Variants in UBE2QL1 observed in about 807,000 individuals in gnomAD.
UBE2QL1 encodes ubiquitin-conjugating enzyme E2Q-like protein 1.
UBE2QL1 carries 5 observed loss-of-function variants against 12.6 expected under a neutral mutation model. The observed-to-expected ratio is 0.40, with a 90% CI of 0.21 to 0.83. The LOEUF (loss-of-function observed/expected upper bound fraction) is 0.83. Among genes scored for constraint, UBE2QL1 ranks in the 40% least tolerant of loss-of-function variants. UBE2QL1 has a pLI of 0.37. For missense variants in UBE2QL1, 99 were observed against 222.6 expected, an observed-to-expected ratio of 0.44 and a Z score of 3.53; for synonymous variants, 96 against 94.5, an observed-to-expected ratio of 1.02 and a Z score of -0.10.
rs999526099 is a variant in UBE2QL1, at chr5:6,476,676, G to T, written c.355-14542G>T. ...CTCTGCGAATGCATGGCAGGTTTGG[G>T]GCAGTACCTTTTGGTTCCTTTCATT... On this transcript the variant is annotated intron_variant, in intron 1 of 1. Transcript: ENST00000399816. This position sits in a 1 kb window ranked among gnomAD's most constrained non-coding sequence, Gnocchi z 4.9. Among the ~76,000 whole-genome samples the T allele has an allele frequency of 1.8e-4, 27 of 152,302 alleles. No individual in the cohort carries two copies. Among genetic ancestry groups the T allele is most frequent in the African/African-American group, 5.8e-4 (24 of 41,574 alleles).
intron 1 of UBE2QL1, among the ~76,000 whole-genome samples, chr5:6,487,177 G>A (rs768097502): frequency 1.3e-5 from 2 of 152,152 alleles, no homozygotes; most frequent in Non-Finnish European, 1.5e-5. Context: ...ATTACATGGG[G>A]GCCGAACTGG....
chr5:6,468,409 G>GGA, intron 1 of UBE2QL1, among the ~76,000 whole-genome samples: 1 of 152,342 alleles, frequency 6.6e-6, no homozygotes, highest in African/African-American at 2.4e-5. Flanking sequence ...AACCGGCAAA[G>GGA]TGAGAGTGTG....
chr5:6,458,574 C>T (rs561623400), intron 1 of UBE2QL1, among the ~76,000 whole-genome samples: 7 of 152,238 alleles, frequency 4.6e-5, no homozygotes, highest in Admixed American at 2.6e-4. Context: ...AGGGTGATTA[C>T]TTAGTGTCAG....
intron 1 of UBE2QL1, among the ~76,000 whole-genome samples, chr5:6,489,906 T>C (rs1033799820): frequency 6.6e-6 from 1 of 152,254 alleles, no homozygotes; most frequent in African/African-American, 2.4e-5. Flanking sequence ...GTGCCCACAG[T>C]TGTGCTGTAG....
intron 1 of UBE2QL1, among the ~76,000 whole-genome samples, chr5:6,468,898 C>T (rs1056689660): frequency 2.6e-5 from 4 of 152,176 alleles, no homozygotes; most frequent in Admixed American, 6.5e-5. Flanking sequence ...TCTTGTTTTA[C>T]TCAGAAGTAG....
intron 1 of UBE2QL1, among the ~76,000 whole-genome samples, chr5:6,487,989 G>A (rs1560937502): frequency 6.6e-6 from 1 of 152,318 alleles, no homozygotes; most frequent in East Asian, 1.9e-4. Flanking sequence ...TCCAAGTCCA[G>A]CATTTCACTG....
intron 1 of UBE2QL1, among the ~76,000 whole-genome samples, chr5:6,465,938 C>T (rs187654804): frequency 2.6e-5 from 4 of 152,288 alleles, no homozygotes; most frequent in Admixed American, 2.6e-4. Context: ...TTGCTCCCTT[C>T]CTTCCCCCGA....
intron 1 of UBE2QL1, among the ~76,000 whole-genome samples, chr5:6,484,864 C>T (rs905833605): frequency 7.2e-5 from 11 of 151,950 alleles, no homozygotes; most frequent in Admixed American, 2.6e-4. Flanking sequence ...TCTCCCTGTG[C>T]AAAGGGACCA....
chr5:6,488,355 C>T (rs1169938426), intron 1 of UBE2QL1, among the ~76,000 whole-genome samples: 1 of 151,870 alleles, frequency 6.6e-6, no homozygotes, highest in Non-Finnish European at 1.5e-5. Context: ...CTGTGAGCCT[C>T]TATTGGTCTA....
chr5:6,456,169 G>A (rs536090458), intron 1 of UBE2QL1, among the ~76,000 whole-genome samples: 100 of 152,310 alleles, frequency 6.6e-4, no homozygotes, highest in African/African-American at 1.9e-3. Flanking sequence ...CCTCTAATGG[G>A]GAGAAGACAA....
chr5:6,457,794 C>T (rs898694155), intron 1 of UBE2QL1, among the ~76,000 whole-genome samples: 3 of 152,192 alleles, frequency 2.0e-5, no homozygotes, highest in African/African-American at 7.2e-5. Flanking sequence ...GCAAGTACCA[C>T]GTGTAGCATT....
chr5:6,466,076 A>AGGGCCCTGAGCAGTGCG (rs1434440395), intron 1 of UBE2QL1, among the ~76,000 whole-genome samples: 1 of 150,590 alleles, frequency 6.6e-6, no homozygotes, highest in Non-Finnish European at 1.5e-5. Context: ...CCACCCTCCC[A>AGGGCCCTGAGCAGTGCG]GGGCCCTGAG....
intron 1 of UBE2QL1, among the ~76,000 whole-genome samples, chr5:6,468,966 G>T (rs143994817): frequency 1.3e-5 from 2 of 152,340 alleles, no homozygotes; most frequent in South Asian, 4.1e-4. Context: ...GACTTGAGAA[G>T]AGGGTAGAAT....
Position 6,478,623 on chromosome 5 carries a change from T to G in UBE2QL1, c.355-12595T>G, listed in dbSNP as rs1463177972. Among the ~76,000 whole-genome samples the G allele has an allele frequency of 9.8e-6, 1 of 101,976 alleles. No individual in the cohort carries two copies. The highest frequency in any genetic ancestry group is 2.2e-5 in the Non-Finnish European group (1 of 44,718). The allele number at this position is 101,976 out of a possible 152,430, so 66.9% of individuals were successfully genotyped here. A position where few individuals can be genotyped will look rare whatever the true frequency, so the allele number is the denominator to read the frequency against. ...TAGTGACATTCTTGGTCTCTTTCGG[T>G]TTTTTTTTTTTTGGACTTTAACAGC... On this transcript the variant is annotated intron_variant, in intron 1 of 1. Transcript: ENST00000399816. This position sits in a 1 kb window ranked among gnomAD's most constrained non-coding sequence, Gnocchi z 4.5.
chr5:6,449,875 C>CCCG (rs1553987107), intron 1 of UBE2QL1, among the ~76,000 whole-genome samples: 1 of 147,900 alleles, frequency 6.8e-6, no homozygotes, highest in African/African-American at 2.5e-5. Context: ...CCAACCCCCC[C>CCCG]CACACACACA....
At chr5:6,460,533 A>G (rs1287829102) in intron 1 of UBE2QL1, among the ~76,000 whole-genome samples, 1 of 152,130 alleles carries the variant, frequency 6.6e-6, no homozygotes, top group East Asian at 1.9e-4. Flanking sequence ...TTTTGCCCTC[A>G]TAAATCTACT....
In UBE2QL1 at chr5:6,481,460, G is replaced by C. The variant is rs1397341638; in HGVS notation, c.355-9758G>C. ...CGGGCCTATGGCTAGAGAGCAGAGA[G>C]GGGGCACGCTCCCCTCCCCGCACAC... is the stretch of plus-strand genomic sequence containing the variant. On this transcript the variant is annotated intron_variant, in intron 1 of 1. Transcript: ENST00000399816. This position sits in a 1 kb window ranked among gnomAD's most constrained non-coding sequence, Gnocchi z 4.5. Among the ~76,000 whole-genome samples the C allele has an allele frequency of 6.6e-6, 1 of 152,172 alleles. No homozygotes were observed. Among genetic ancestry groups the C allele is most frequent in the South Asian group, 2.1e-4 (1 of 4,830 alleles).
chr5:6,480,990 A>C (rs1183539274), intron 1 of UBE2QL1, among the ~76,000 whole-genome samples: 1 of 152,152 alleles, frequency 6.6e-6, no homozygotes, highest in Non-Finnish European at 1.5e-5. Flanking sequence ...TTTTTTAAAG[A>C]ACCAGATTTT....
intron 1 of UBE2QL1, among the ~76,000 whole-genome samples, chr5:6,474,241 T>C (rs1391970332): frequency 6.6e-6 from 1 of 152,238 alleles, no homozygotes; most frequent in African/African-American, 2.4e-5. Context: ...TGCCTGCATG[T>C]GGATCTTCCA....
Sources: gnomAD v4.1 joint callset for allele counts (sites outside exome capture counted in the v4.1 genomes callset) on GRCh38, gnomAD v4.1.1 for gene constraint, Gnocchi (gnomAD v3.1) non-coding constraint, MANE v1.5 for transcripts, NCBI Gene and HGNC (gene_info 2026-07-23, HGNC 2026-07-21) for gene names.